The following DNAH9 variants were observed in gnomAD, a reference collection of about 807,000 sequenced individuals.
DNAH9 encodes the protein dynein axonemal heavy chain 9, also known as DNAH9 variant protein.
In DNAH9, 345 loss-of-function variants were observed where a neutral mutation model predicts 471.6. The ratio of observed to expected loss-of-function variants is 0.73; its 90% CI spans 0.67 to 0.80. The LOEUF (loss-of-function observed/expected upper bound fraction) is 0.80, where lower values mean the gene tolerates loss of function less well. Ranked by LOEUF, DNAH9 falls within the 30% of genes least tolerant of loss-of-function variation. DNAH9 has a pLI of 0.00. For synonymous variants in DNAH9, 2,093 were observed against 2,123.6 expected, an observed-to-expected ratio of 0.99 and a Z score of 0.40; for missense variants, 5,407 against 5,609.2, an observed-to-expected ratio of 0.96 and a Z score of 1.15.
At chr17:11,701,824 A>G (rs937855504) in intron 24 of DNAH9, among the ~76,000 whole-genome samples, 1 of 152,160 alleles carries the variant, frequency 6.6e-6, no homozygotes, top group African/African-American at 2.4e-5. Flanking sequence ...GACTACAGGC[A>G]TGCGCCACCA....
intron 36 of DNAH9, among the ~76,000 whole-genome samples, chr17:11,767,276 G>A (rs1294967928): frequency 6.6e-6 from 1 of 152,176 alleles, no homozygotes; most frequent in Non-Finnish European, 1.5e-5. Context: ...AGGTCTTGAA[G>A]CGTATTATCT....
chr17:11,757,465 C>T, intron 34 of DNAH9, 80 bp from the exon 35 acceptor site: 1 of 1,305,510 alleles, frequency 7.7e-7, no homozygotes, highest in Non-Finnish European at 1.1e-6. Flanking sequence ...ATTTTCCAAA[C>T]AGAGAAAATA....
At chr17:11,679,171 A>G (rs1368307644) in intron 17 of DNAH9, among the ~76,000 whole-genome samples, 4 of 152,186 alleles carry the variant, frequency 2.6e-5, no homozygotes, top group African/African-American at 9.7e-5. Context: ...TGATTTGTCA[A>G]CTTAAAAATG....
intron 43 of DNAH9, among the ~76,000 whole-genome samples, chr17:11,805,692 T>G (rs1254012272): frequency 3.3e-5 from 5 of 151,666 alleles, no homozygotes; most frequent in African/African-American, 9.7e-5. Flanking sequence ...GCAGGTGGGA[T>G]TACAAGCACT....
chr17:11,708,658 GC>G (rs1438507832), intron 26 of DNAH9, among the ~76,000 whole-genome samples: 2 of 152,088 alleles, frequency 1.3e-5, no homozygotes, highest in African/African-American at 2.4e-5. Context: ...TGTCTTTAGG[GC>G]CATTCTCAGT....
chr17:11,728,005 C>G, intron 28 of DNAH9, 83 bp downstream of exon 28: 1 of 865,648 alleles, frequency 1.2e-6, no homozygotes, highest in Non-Finnish European at 2.0e-6. Context: ...TTCTACCTCT[C>G]CTGAGCATCT....
At chr17:11,885,041 CTCTT>C (rs1972838420) in intron 56 of DNAH9, among the ~76,000 whole-genome samples, 1 of 152,094 alleles carries the variant, frequency 6.6e-6, no homozygotes, top group Non-Finnish European at 1.5e-5. Context: ...TGTCTTCTCT[CTCTT>C]TCTCATTTAT....
intron 43 of DNAH9, among the ~76,000 whole-genome samples, chr17:11,799,502 G>C (rs1456946956): frequency 2.6e-5 from 4 of 151,866 alleles, no homozygotes; most frequent in Admixed American, 1.3e-4. Context: ...AACCACCATA[G>C]ACCCCATCAC....
chr17:11,950,963 C>T (rs1330301891), intron 67 of DNAH9, among the ~76,000 whole-genome samples: 1 of 152,150 alleles, frequency 6.6e-6, no homozygotes, highest in Non-Finnish European at 1.5e-5. Context: ...CAACCTGACA[C>T]CTTAGGAGTT....
chr17:11,742,053 A>C, intron 29 of DNAH9, 122 bp from the exon 30 acceptor site: 1 of 799,626 alleles, frequency 1.3e-6, no homozygotes. Flanking sequence ...AGGTCTTTCC[A>C]TGAGTTTTTG....
intron 14 of DNAH9, among the ~76,000 whole-genome samples, chr17:11,660,730 C>A (rs1322482942): frequency 1.3e-5 from 2 of 152,090 alleles, no homozygotes; most frequent in Non-Finnish European, 2.9e-5. Context: ...TAATTTAATT[C>A]TATTGTGCTC....
rs1014058677 is a variant in DNAH9, at chr17:11,629,627, C to T, written c.1518+43C>T. The stretch of plus-strand genomic sequence containing the variant: ...TGAATCGCCAGCTCTGCCTCTGTCC[C>T]GGATGCCTCTCATCTGTAGGGTCTA... On this transcript the variant is annotated intron_variant, in intron 7 of 68. Coordinates refer to ENST00000262442, the MANE Select transcript of DNAH9 (RefSeq NM_001372.4). 7.6e-6 allele frequency: 12 copies of T among 1,580,132 alleles called. 1 individual carries two copies. Among genetic ancestry groups the T allele is most frequent in the South Asian group, 5.7e-5 (5 of 88,158 alleles).
chr17:11,812,811 C>T (rs1021648760), intron 45 of DNAH9, among the ~76,000 whole-genome samples: 2 of 152,146 alleles, frequency 1.3e-5, no homozygotes, highest in Non-Finnish European at 2.9e-5. Flanking sequence ...AACATCTCAT[C>T]ACCTTCTGCA....
chr17:11,782,564 G>A (rs1014474196), intron 39 of DNAH9, among the ~76,000 whole-genome samples: 3 of 152,092 alleles, frequency 2.0e-5, no homozygotes, highest in Middle Eastern at 3.4e-3. Context: ...CTCATCGATC[G>A]GTCCCCATCT....
At position 11,738,990 on chromosome 17, in the gene DNAH9, C is replaced by T; in HGVS notation, c.5925C>T (p.Gly1975=). 1.9e-6 allele frequency: 3 copies of T among 1,614,132 alleles called. No individual in the cohort carries two copies. Among genetic ancestry groups the T allele is most frequent in the Non-Finnish European group, 2.5e-6 (3 of 1,179,972 alleles). The change falls in exon 29 of 69, where the codon GGC becomes GGT. Residue 1975 remains glycine (G), a synonymous_variant. Transcript: ENST00000262442. ...SVGIFITMNP[G]YAGRTELPEN... Reference sequence around the variant, plus strand: ...GTATCTTCATCACCATGAACCCAGGCTATGCTGGCCGCACAGAGCTGCCAG... The same window carrying T: ...GTATCTTCATCACCATGAACCCAGGTTATGCTGGCCGCACAGAGCTGCCAG...
At chr17:11,901,508 C>T (rs1021298896) in intron 59 of DNAH9, among the ~76,000 whole-genome samples, 1 of 151,976 alleles carries the variant, frequency 6.6e-6, no homozygotes, top group African/African-American at 2.4e-5. Flanking sequence ...CCAGCCCGAC[C>T]AATATGGTGA....
At chr17:11,838,223 T>A (rs1280882639) in intron 49 of DNAH9, among the ~76,000 whole-genome samples, 2 of 152,148 alleles carry the variant, frequency 1.3e-5, no homozygotes, top group Admixed American at 6.5e-5. Context: ...AGTAGCAGCA[T>A]AAGCATGTTC....
intron 55 of DNAH9, 91 bp downstream of exon 55, chr17:11,881,504 G>C (rs901002248): frequency 9.0e-6 from 12 of 1,338,316 alleles, no homozygotes; most frequent in Non-Finnish European, 1.2e-5. Context: ...GTTTTTCCTG[G>C]ATTGAGTTAG....
At chr17:11,900,503 C>CAA (rs71367356) in intron 59 of DNAH9, among the ~76,000 whole-genome samples, 2 of 108,122 alleles carry the variant, frequency 1.8e-5, no homozygotes, top group African/African-American at 6.5e-5. Context: ...CTTCCCCTGC[C>CAA]AAAAAAAAAA....
Sources: gnomAD v4.1 joint callset for allele counts (sites outside exome capture counted in the v4.1 genomes callset) on GRCh38, gnomAD v4.1.1 for gene constraint, MANE v1.5 for transcripts, NCBI Gene and HGNC (gene_info 2026-07-23, HGNC 2026-07-21) for gene names.